PRRC2B: variants seen among roughly 807,000 people sequenced by gnomAD.
PRRC2B encodes protein PRRC2B.
In PRRC2B, 68 loss-of-function variants were observed where a neutral mutation model predicts 242.3. That is an observed-to-expected ratio of 0.28 (90% CI 0.23 to 0.34). The LOEUF (loss-of-function observed/expected upper bound fraction) is 0.34. PRRC2B is among the 10% of genes least tolerant of loss of function. The probability of loss-of-function intolerance (pLI) is 1.00; values close to 1 mark genes in which losing one functional copy is unlikely to be tolerated. For missense variants in PRRC2B, 2,835 were observed against 2,954.8 expected (o/e 0.96, Z 0.94); for synonymous variants, 1,228 against 1,173.6 (o/e 1.05, Z -0.95).
At chr9:131,437,276 G>A (rs895129504) in intron 4 of PRRC2B, among the ~76,000 whole-genome samples, 1 of 152,164 alleles carries the variant, frequency 6.6e-6, no homozygotes, top group African/African-American at 2.4e-5. Context: ...TTTCTTTACC[G>A]AATGTCTCTA....
chr9:131,396,242 T>C (rs1243934062), intron 1 of PRRC2B, among the ~76,000 whole-genome samples: 4 of 151,988 alleles, frequency 2.6e-5, no homozygotes, highest in Non-Finnish European at 2.9e-5. Flanking sequence ...TCTCCTTCCT[T>C]CCTCCCTTGC....
chr9:131,429,119 G>A (rs553320843), intron 1 of PRRC2B, among the ~76,000 whole-genome samples: 1 of 152,254 alleles, frequency 6.6e-6, no homozygotes, highest in African/African-American at 2.4e-5. Context: ...GCTAATTTTT[G>A]TGTTTTCAGT....
chr9:131,487,065 T>C lies in PRRC2B; in HGVS notation c.5857-102T>C. 2 of 996,884 alleles carry C rather than the reference T, an allele frequency of 2.0e-6. No homozygotes were observed. Among genetic ancestry groups the C allele is most frequent in the Non-Finnish European group, 3.1e-6 (2 of 648,410 alleles). 61.8% of individuals were successfully genotyped at this position (996,884 alleles called of 1,614,324 possible). A position where few individuals can be genotyped will look rare whatever the true frequency, so the allele number is the denominator to read the frequency against. The stretch of plus-strand genomic sequence containing the variant: ...ATGCTGGCATTTGAATTTTGGGCAG[T>C]GTTCCAGCAGCCATGTGGAGAGGGG... On this transcript the variant is annotated intron_variant, in intron 26 of 31. Coordinates refer to ENST00000683519, the MANE Select transcript of PRRC2B (RefSeq NM_013318.4). This position sits in a 1 kb window ranked among gnomAD's most constrained non-coding sequence, Gnocchi z 5.3.
chr9:131,423,872 G>A (rs1837912967), intron 1 of PRRC2B, among the ~76,000 whole-genome samples: 1 of 152,022 alleles, frequency 6.6e-6, no homozygotes, highest in Non-Finnish European at 1.5e-5. Flanking sequence ...GTTTATATAG[G>A]AAAATAGGAT....
intron 1 of PRRC2B, among the ~76,000 whole-genome samples, chr9:131,385,012 A>C (rs1836809554): frequency 6.6e-6 from 1 of 151,896 alleles, no homozygotes; most frequent in Admixed American, 6.6e-5. Flanking sequence ...TTAGTTAATT[A>C]ATTTAATTTT....
chr9:131,446,473 A>G lies in PRRC2B; in HGVS notation c.686A>G (p.Glu229Gly), dbSNP rs750053072. ...SATSLSTSPT[E>G]LGSRNSSTGD... ...ACGTCTCTGAGCACCTCCCCAACTG[A>G]GCTGGGCAGCAGGAACTCGAGTACG... Residue 229 changes from glutamate to glycine, a missense_variant, in exon 7 of 32, where the codon GAG becomes GGG. Transcript: ENST00000683519. The surrounding 1 kb of genome is among the most constrained non-coding windows in gnomAD (Gnocchi z 4.1). 4 of 1,613,592 alleles carry G rather than the reference A, an allele frequency of 2.5e-6. No homozygotes were observed. Among genetic ancestry groups the G allele is most frequent in the Non-Finnish European group, 3.4e-6 (4 of 1,179,840 alleles).
intron 13 of PRRC2B, 71 bp from the exon 14 acceptor site, chr9:131,470,717 G>A (rs1253497343): frequency 2.4e-5 from 31 of 1,282,200 alleles, no homozygotes; most frequent in Non-Finnish European, 3.2e-5. Flanking sequence ...AAGCTGGAAG[G>A]GCGTGTGTTG....
intron 14 of PRRC2B, among the ~76,000 whole-genome samples, chr9:131,472,928 A>G (rs1293628719): frequency 6.6e-6 from 1 of 151,964 alleles, no homozygotes; most frequent in East Asian, 1.9e-4. Context: ...TCTATATGTT[A>G]GTGGTTACGT....
Position 131,491,409 on chromosome 9 carries a change from C to T in PRRC2B, c.6226-16C>T. The T allele has an allele frequency of 6.3e-7, 1 of 1,580,328 alleles. No homozygotes were observed. Among genetic ancestry groups the T allele is most frequent in the South Asian group, 1.2e-5 (1 of 85,124 alleles). ...TAGCATCATTCCCCCTCCTGACTGT[C>T]ATTGTCGCCCAGCAGCTGACCATGC... On this transcript the variant is annotated splice_polypyrimidine_tract_variant and intron_variant, in intron 28 of 31. Coordinates refer to ENST00000683519, the MANE Select transcript of PRRC2B (RefSeq NM_013318.4).
In PRRC2B at chr9:131,487,310, A is replaced by C. The variant is rs755557696; in HGVS notation, c.5984+16A>C. ...AGCCCTTCAGGTGAGCTCATGTACC[A>C]GCTTGCGGAGCTGGCAGCTCACAGC... On this transcript the variant is annotated intron_variant, in intron 27 of 31. Coordinates refer to ENST00000683519, the MANE Select transcript of PRRC2B (RefSeq NM_013318.4). This position sits in a 1 kb window ranked among gnomAD's most constrained non-coding sequence, Gnocchi z 5.3. The C allele has an allele frequency of 1.3e-6, 2 of 1,574,162 alleles. No homozygotes were observed. The highest frequency in any genetic ancestry group is 2.3e-5 in the South Asian group (2 of 86,956).
intron 30 of PRRC2B, among the ~76,000 whole-genome samples, chr9:131,492,862 C>T (rs1230923265): frequency 6.6e-6 from 1 of 152,208 alleles, no homozygotes; most frequent in Non-Finnish European, 1.5e-5. Flanking sequence ...CCTTTTCTGC[C>T]CGTGCTGGTG....
At chr9:131,400,429 G>A (rs1033930048) in intron 1 of PRRC2B, among the ~76,000 whole-genome samples, 16 of 151,344 alleles carry the variant, frequency 1.1e-4, no homozygotes, top group African/African-American at 3.6e-4. Flanking sequence ...AGCAATTCTC[G>A]TGCCTCAGCC....
At chr9:131,427,458 G>A (rs1288590669) in intron 1 of PRRC2B, among the ~76,000 whole-genome samples, 1 of 152,048 alleles carries the variant, frequency 6.6e-6, no homozygotes, top group Non-Finnish European at 1.5e-5. Flanking sequence ...AGCCTCACGA[G>A]TAGCTGGGAC....
intron 1 of PRRC2B, among the ~76,000 whole-genome samples, chr9:131,424,051 T>C (rs1837918986): frequency 6.6e-6 from 1 of 152,140 alleles, no homozygotes; most frequent in African/African-American, 2.4e-5. Flanking sequence ...TTGTCCTGCC[T>C]CAGCCTCCCC....
At chr9:131,493,963 C>T (rs991471226) in intron 30 of PRRC2B, among the ~76,000 whole-genome samples, 1 of 152,118 alleles carries the variant, frequency 6.6e-6, no homozygotes, top group Admixed American at 6.5e-5. Context: ...CATTTTGGTT[C>T]CCCCATCCCC....
At position 131,487,999 on chromosome 9, in the gene PRRC2B, A is replaced by G. The variant is rs375007574; in HGVS notation, c.6128A>G (p.Gln2043Arg). 7.4e-6 allele frequency: 12 copies of G among 1,612,130 alleles called. No homozygotes were observed. Among genetic ancestry groups the G allele is most frequent in the Admixed American group, 1.7e-5 (1 of 59,740 alleles). ...AAGCCGCAGTCTGGCTCACCCTACC[A>G]GCCCATGAGCGGGAACCAAGCCCTG... ...MVKPQSGSPY[Q>R]PMSGNQALVY... Residue 2043 changes from glutamine to arginine, a missense_variant, in exon 28 of 32, where the codon CAG becomes CGG. Coordinates refer to ENST00000683519, the MANE Select transcript of PRRC2B (RefSeq NM_013318.4). This position sits in a 1 kb window ranked among gnomAD's most constrained non-coding sequence, Gnocchi z 5.3.
chr9:131,408,164 C>T (rs1837416242), intron 1 of PRRC2B, among the ~76,000 whole-genome samples: 2 of 152,178 alleles, frequency 1.3e-5, no homozygotes, highest in African/African-American at 2.4e-5. Flanking sequence ...CATTTGCTGC[C>T]GAAGGGCGTC....
intron 1 of PRRC2B, among the ~76,000 whole-genome samples, chr9:131,419,057 A>G (rs1022764244): frequency 2.0e-5 from 3 of 152,288 alleles, no homozygotes; most frequent in Middle Eastern, 3.4e-3. Flanking sequence ...TTTTGTTACT[A>G]AAAATGTGAT....
At chr9:131,461,035 A>AT (rs1211662804) in intron 11 of PRRC2B, among the ~76,000 whole-genome samples, 2 of 152,206 alleles carry the variant, frequency 1.3e-5, no homozygotes, top group African/African-American at 4.8e-5. Context: ...CTGTGTTCTC[A>AT]TTGATACCTC....
Sources: gnomAD v4.1 joint callset for allele counts (sites outside exome capture counted in the v4.1 genomes callset) on GRCh38, gnomAD v4.1.1 for gene constraint, Gnocchi (gnomAD v3.1) non-coding constraint, MANE v1.5 for transcripts, NCBI Gene and HGNC (gene_info 2026-07-23, HGNC 2026-07-21) for gene names.